Variants in OSBPL10 observed in about 807,000 individuals in gnomAD.
OSBPL10 encodes oxysterol binding protein like 10, also known as oxysterol-binding protein-related protein 10.
In OSBPL10, 49 loss-of-function variants were observed where a neutral mutation model predicts 81.7. The ratio of observed to expected loss-of-function variants is 0.60; its 90% confidence interval spans 0.48 to 0.76. The LOEUF is 0.76. Ranked by LOEUF, OSBPL10 falls within the 30% of genes least tolerant of loss-of-function variation. The probability of loss-of-function intolerance (pLI) is 0.00; values close to 1 mark genes in which losing one functional copy is unlikely to be tolerated. For missense variants in OSBPL10, 923 were observed against 987.8 expected (o/e 0.93, Z 0.88); for synonymous variants, 419 against 383.6 (o/e 1.09, Z -1.08).
intron 4 of OSBPL10, among the ~76,000 whole-genome samples, chr3:31,800,711 G>A (rs1699357179): frequency 6.6e-6 from 1 of 152,124 alleles, no homozygotes; most frequent in South Asian, 2.1e-4. Flanking sequence ...GCCAAACCAT[G>A]AAATTCAATA....
chr3:31,879,397 G>A (rs185614052), intron 2 of OSBPL10: 41 of 423,838 alleles, frequency 9.7e-5, no homozygotes, highest in African/African-American at 7.9e-4. Context: ...GATCTTCGAA[G>A]TCCTAAGGCG....
chr3:31,956,113 A>G lies in OSBPL10; in HGVS notation c.281+24786T>C, dbSNP rs371101294. Among the ~76,000 whole-genome samples the G allele has an allele frequency of 9.2e-5, 14 of 152,328 alleles. No individual in the cohort carries two copies. In the East Asian group the frequency reaches 2.3e-3, roughly 25 times the overall value. ...AAAACCCTCTAATAAATCCCTGGCTACTTAGACTGCTTAGAAGGAATCTAC... is the reference window on the plus strand; with the variant it reads ...AAAACCCTCTAATAAATCCCTGGCTGCTTAGACTGCTTAGAAGGAATCTAC... On this transcript the variant is annotated intron_variant, in intron 1 of 11. Coordinates refer to ENST00000396556, the MANE Select transcript of OSBPL10 (RefSeq NM_017784.5).
chr3:31,990,318 T>G, intron 2 of OSBPL10: 1 of 1,614,090 alleles, frequency 6.2e-7, no homozygotes, highest in Non-Finnish European at 8.5e-7. Context: ...CTACAACCAT[T>G]GCAAATCATT....
At chr3:31,712,436 T>G (rs944498653) in intron 6 of OSBPL10, among the ~76,000 whole-genome samples, 1 of 152,182 alleles carries the variant, frequency 6.6e-6, no homozygotes, top group Non-Finnish European at 1.5e-5. Flanking sequence ...TTAACCTGGA[T>G]TGCTGAGGTG....
At position 31,879,706 on chromosome 3, in the gene OSBPL10, G is replaced by C. The variant is rs201899425; in HGVS notation, c.406C>G (p.Pro136Ala). ...GCAGAGTACACCACCAGCATGTGGGGAGCTTCATCGCTCAGGGACACTATG... is the reference window on the plus strand; with the variant it reads ...GCAGAGTACACCACCAGCATGTGGGCAGCTTCATCGCTCAGGGACACTATG... ...GAIVSLSDEAPHMLVVYSANG... is the reference protein window; with the variant it reads ...GAIVSLSDEAAHMLVVYSANG... The change falls in exon 2 of 12, where the codon CCC (proline) becomes GCC (alanine). Residue 136 changes from proline to alanine, a missense_variant. This residue lies in a region of OSBPL10 where 514 missense variants were observed against 508.0 expected (regional missense o/e 1.01). Coordinates refer to ENST00000396556, the MANE Select transcript of OSBPL10 (RefSeq NM_017784.5). 1 of 1,614,196 alleles carries C rather than the reference G, an allele frequency of 6.2e-7. No homozygotes were observed. The highest frequency in any genetic ancestry group is 1.3e-5 in the African/African-American group (1 of 75,044).
At chr3:31,794,086 AAGC>A (rs1699114042) in intron 4 of OSBPL10, among the ~76,000 whole-genome samples, 1 of 152,210 alleles carries the variant, frequency 6.6e-6, no homozygotes, top group East Asian at 1.9e-4. Flanking sequence ...TGCTGCACAG[AAGC>A]AGGTCTTCAG....
intron 4 of OSBPL10, among the ~76,000 whole-genome samples, chr3:31,749,506 T>C (rs1033632974): frequency 5.9e-5 from 9 of 152,348 alleles, no homozygotes; most frequent in Non-Finnish European, 1.0e-4. Context: ...TACTCATTTC[T>C]TCTCCAGGTC....
rs533732622 is a variant in OSBPL10 at position 31,749,379 on chromosome 3, C to T, written c.730-1259G>A. ...ACAGATGTGGTTTGAGCGTTCTCAT[C>T]TTAGTGTACACATCCATAATCTGGC... On this transcript the variant is annotated intron_variant, in intron 4 of 11. Transcript: ENST00000396556. Among the ~76,000 whole-genome samples the T allele has an allele frequency of 9.3e-4, 141 of 152,346 alleles. 1 individual carries two copies. The highest frequency in any genetic ancestry group is 3.2e-3 in the African/African-American group (135 of 41,584).
At chr3:31,994,127 C>T (rs59515125) in intron 2 of OSBPL10, among the ~76,000 whole-genome samples, 45,715 of 152,118 alleles carry the variant, frequency 0.3, 8,973 homozygotes, top group African/African-American at 0.55. Flanking sequence ...AAGCCAGACT[C>T]AACCACACAC....
In OSBPL10 at chr3:31,747,962, T is replaced by C. The variant is rs1697580594; in HGVS notation, c.888A>G (p.Leu296=). The C allele has an allele frequency of 6.2e-7, 1 of 1,614,140 alleles. No homozygotes were observed. The highest frequency in any genetic ancestry group is 8.5e-7 in the Non-Finnish European group (1 of 1,180,032). The change falls in exon 5 of 12, where the codon TTA becomes TTG. Residue 296 remains leucine (L), a synonymous_variant. Transcript: ENST00000396556. ...LSCLGECLNL[L]QQSVHQAGQP... is the part of the protein sequence containing the mutation. ...GGCCCGCCTGGTGCACACTCTGCTG[T>C]AACAAGTTGAGGCACTCCCCAAGGC... is the stretch of plus-strand genomic sequence containing the variant.
At chr3:31,743,551 T>C (rs1697424913) in intron 5 of OSBPL10, among the ~76,000 whole-genome samples, 1 of 152,150 alleles carries the variant, frequency 6.6e-6, no homozygotes, top group African/African-American at 2.4e-5. Flanking sequence ...GAGCAACATT[T>C]GGAGACAAAG....
intron 1 of OSBPL10, among the ~76,000 whole-genome samples, chr3:31,974,261 T>C (rs1288459132): frequency 6.6e-6 from 1 of 152,170 alleles, no homozygotes. Flanking sequence ...CAATATCAAG[T>C]GTGGATGAGA....
At chr3:32,013,614 T>C (rs1047809432) in intron 2 of OSBPL10, among the ~76,000 whole-genome samples, 4 of 151,920 alleles carry the variant, frequency 2.6e-5, no homozygotes, top group Admixed American at 2.6e-4. Context: ...CTGAAGGAGA[T>C]AGAGACACAA....
intron 1 of OSBPL10, among the ~76,000 whole-genome samples, chr3:31,953,899 G>A (rs1697938590): frequency 6.6e-6 from 1 of 152,196 alleles, no homozygotes; most frequent in Admixed American, 6.5e-5. Flanking sequence ...AAGGAACTGG[G>A]GCAAGAGGCA....
In OSBPL10 at chr3:31,969,011, G is replaced by A. The variant is rs974694797; in HGVS notation, c.281+11888C>T. Among the ~76,000 whole-genome samples, 10 of 152,146 alleles carry A rather than the reference G, an allele frequency of 6.6e-5. No homozygotes were observed. The South Asian group carries it at 1.4e-3, about 22-fold the overall frequency. ...TTGTTCTGTTAAACTTTTTAGAGAC[G>A]AGGCCACTAAATGAGTCTGCTGCAG... On this transcript the variant is annotated intron_variant, in intron 1 of 11. Transcript: ENST00000396556.
chr3:31,807,962 A>G (rs1699564312), intron 4 of OSBPL10, among the ~76,000 whole-genome samples: 1 of 152,198 alleles, frequency 6.6e-6, no homozygotes, highest in Non-Finnish European at 1.5e-5. Context: ...ACTTATTAAT[A>G]ACTTCAACTT....
rs144281804 is a variant in OSBPL10 at position 31,798,254 on chromosome 3, A to G, written c.729+31786T>C. ...GAGACCAGCTGGCCAACATGATGAAACCCCGTCTCTAGTAAAAACATAAAA... is the reference window on the plus strand; with the variant it reads ...GAGACCAGCTGGCCAACATGATGAAGCCCCGTCTCTAGTAAAAACATAAAA... On this transcript the variant is annotated intron_variant, in intron 4 of 11. Transcript: ENST00000396556. 4.0e-3 allele frequency among the ~76,000 whole-genome samples: 601 copies of G among 152,088 alleles called. 4 individuals carry two copies. Among genetic ancestry groups the G allele is most frequent in the African/African-American group, 0.013 (547 of 41,506 alleles).
At chr3:31,789,636 C>T (rs575481545) in intron 4 of OSBPL10, among the ~76,000 whole-genome samples, 5 of 152,250 alleles carry the variant, frequency 3.3e-5, no homozygotes, top group African/African-American at 1.2e-4. Flanking sequence ...ACCGTGAGGG[C>T]AAGAGCCCAG....
chr3:31,760,338 A>G (rs1291902668), intron 4 of OSBPL10, among the ~76,000 whole-genome samples: 3 of 152,170 alleles, frequency 2.0e-5, no homozygotes, highest in Non-Finnish European at 2.9e-5. Flanking sequence ...TCAAGGGTCA[A>G]TCGTACAGTC....
Sources: allele counts gnomAD v4.1 joint callset (sites outside exome capture counted in the v4.1 genomes callset), GRCh38; gene constraint gnomAD v4.1.1; regional missense constraint gnomAD v4.1.1; transcripts MANE v1.5; gene names NCBI Gene and HGNC (gene_info 2026-07-23, HGNC 2026-07-21).